Variants in CCDC171 observed in about 807,000 individuals in gnomAD.
The protein encoded by CCDC171 is coiled-coil domain-containing protein 171.
A neutral mutation model predicts 168.2 loss-of-function variants in CCDC171; 177 were observed. The observed-to-expected ratio is 1.05, with a 90% CI of 0.93 to 1.19. The LOEUF (loss-of-function observed/expected upper bound fraction) is 1.19. Ranked by LOEUF, CCDC171 falls within the 50% of genes most tolerant of loss-of-function variation. The pLI, the probability that CCDC171 is intolerant of heterozygous loss-of-function variation, is 0.00. For missense variants in CCDC171, 1,991 were observed against 1,539.0 expected (o/e 1.29, Z -4.91); for synonymous variants, 687 against 540.8 (o/e 1.27, Z -3.75).
downstream of CCDC171, among the ~76,000 whole-genome samples, chr9:16,066,124 T>C (rs1365504502): frequency 3.3e-5 from 5 of 152,156 alleles, no homozygotes; most frequent in African/African-American, 1.2e-4. Context: ...CAGGCTACTT[T>C]CTACTTCCTT....
chr9:15,930,396 C>G (rs1826369339), intron 25 of CCDC171, among the ~76,000 whole-genome samples: 1 of 151,086 alleles, frequency 6.6e-6, no homozygotes, highest in Non-Finnish European at 1.5e-5. Flanking sequence ...CTTCTCACTA[C>G]TTTTCCTAAA....
chr9:15,916,296 C>T (rs994747255), intron 24 of CCDC171, among the ~76,000 whole-genome samples: 1 of 151,754 alleles, frequency 6.6e-6, no homozygotes, highest in African/African-American at 2.4e-5. Flanking sequence ...TGTATTAATA[C>T]TCATTTAATT....
rs1366205021 is a variant in CCDC171, at chr9:15,632,266, A to G, written c.822+8853A>G. On this transcript the variant is annotated intron_variant, in intron 7 of 25. Transcript: ENST00000380701. ...GCAGACAACATGATTGTATATCTAGAAAACCCCATCGTCTCAGCCCAAAAT... is the reference window on the plus strand; with the variant it reads ...GCAGACAACATGATTGTATATCTAGGAAACCCCATCGTCTCAGCCCAAAAT... Among the ~76,000 whole-genome samples the G allele has an allele frequency of 6.0e-5, 9 of 150,734 alleles. No individual in the cohort carries two copies. In the Admixed American group the frequency reaches 6.0e-4, roughly 10 times the overall value.
chr9:15,634,215 A>C (rs2046009057), intron 7 of CCDC171, among the ~76,000 whole-genome samples: 1 of 152,134 alleles, frequency 6.6e-6, no homozygotes, highest in African/African-American at 2.4e-5. Flanking sequence ...ACACAAAAAA[A>C]AGAAAAATAA....
At chr9:15,815,085 G>A (rs574503152) in intron 21 of CCDC171, among the ~76,000 whole-genome samples, 1 of 152,288 alleles carries the variant, frequency 6.6e-6, no homozygotes, top group South Asian at 2.1e-4. Context: ...GTTCTTTTGT[G>A]TAACCTTGAT....
intron 18 of CCDC171, among the ~76,000 whole-genome samples, chr9:15,757,649 G>A (rs770521771): frequency 2.6e-5 from 4 of 152,190 alleles, no homozygotes. Context: ...TCCAGGTCAC[G>A]TCAGAGGTCT....
the CCDC171 span, among the ~76,000 whole-genome samples, chr9:16,088,097 C>T: frequency 6.6e-6 from 1 of 152,166 alleles, no homozygotes; most frequent in African/African-American, 2.4e-5. Flanking sequence ...TAATCCATAA[C>T]ATAAACAGAC....
At chr9:15,985,601 A>G (rs1264230497) in intron 3 of CCDC171, among the ~76,000 whole-genome samples, 2 of 152,236 alleles carry the variant, frequency 1.3e-5, no homozygotes, top group Admixed American at 6.5e-5. Flanking sequence ...TTAGGCAGCA[A>G]TGGAATGGCA....
intron 7 of CCDC171, among the ~76,000 whole-genome samples, chr9:15,634,809 C>T (rs2046072857): frequency 6.6e-6 from 1 of 152,126 alleles, no homozygotes; most frequent in African/African-American, 2.4e-5. Flanking sequence ...TTCCTATTCC[C>T]CTTTCCTCTC....
At position 15,772,158 on chromosome 9, in the gene CCDC171, A is replaced by C. The variant is rs530551917; in HGVS notation, c.2672-5442A>C. Among the ~76,000 whole-genome samples the C allele has an allele frequency of 7.0e-4, 106 of 152,214 alleles. No homozygotes were observed. In the Middle Eastern group the frequency reaches 0.014, roughly 20 times the overall value. ...CTGCACCAGTATTTTTAAATTCTGT[A>C]ATCCATCTTTTCCCTGATTAAGATA... On this transcript the variant is annotated intron_variant, in intron 18 of 25. Coordinates refer to ENST00000380701, the MANE Select transcript of CCDC171 (RefSeq NM_173550.4).
rs1036348741 is a variant in CCDC171, at chr9:15,801,168, T to C, written c.3267+16474T>C. The stretch of plus-strand genomic sequence containing the variant: ...ATGAAGAATGTTATTGGTATTTTTA[T>C]AGGGATTGCATTGAATTTGTAGATT... On this transcript the variant is annotated intron_variant, in intron 21 of 25. Coordinates refer to ENST00000380701, the MANE Select transcript of CCDC171 (RefSeq NM_173550.4). 2.0e-5 allele frequency among the ~76,000 whole-genome samples: 3 copies of C among 152,186 alleles called. No individual in the cohort carries two copies. In the East Asian group the frequency reaches 5.8e-4, roughly 29 times the overall value.
At chr9:15,981,284 A>AAAGG (rs147119601) in intron 3 of CCDC171, among the ~76,000 whole-genome samples, 11,560 of 152,106 alleles carry the variant, frequency 0.076, 1,432 homozygotes, top group African/African-American at 0.26. Flanking sequence ...CTTTATATGC[A>AAAGG]AAGAGAGAAA....
chr9:16,013,738 A>C (rs1203407979), intron 3 of CCDC171, among the ~76,000 whole-genome samples: 1 of 152,262 alleles, frequency 6.6e-6, no homozygotes, highest in Non-Finnish European at 1.5e-5. Flanking sequence ...TTAATTTCCC[A>C]GTGCATATAA....
intron 9 of CCDC171, among the ~76,000 whole-genome samples, chr9:15,674,964 A>G (rs530456697): frequency 1.3e-5 from 2 of 152,178 alleles, no homozygotes; most frequent in African/African-American, 2.4e-5. Flanking sequence ...GTGGGGTTTT[A>G]AAGTCTCCCA....
chr9:15,719,375 G>T (rs908265393), intron 11 of CCDC171, among the ~76,000 whole-genome samples: 3 of 118,860 alleles, frequency 2.5e-5, no homozygotes, highest in African/African-American at 9.6e-5. Flanking sequence ...AGAGTTATTG[G>T]CCTTCAAGGC....
chr9:15,692,684 T>C (rs1035103006), intron 10 of CCDC171, among the ~76,000 whole-genome samples: 1 of 151,326 alleles, frequency 6.6e-6, no homozygotes, highest in Non-Finnish European at 1.5e-5. Flanking sequence ...CCCGCCACCA[T>C]GCCCAGCTAA....
upstream of CCDC171, among the ~76,000 whole-genome samples, chr9:16,040,011 G>T (rs1434549773): frequency 1.3e-5 from 2 of 152,168 alleles, no homozygotes; most frequent in Non-Finnish European, 2.9e-5. Context: ...AGGGACACTG[G>T]AACCTTTCAG....
intron 25 of CCDC171, among the ~76,000 whole-genome samples, chr9:15,970,395 GTT>G (rs766959724): frequency 1.4e-4 from 20 of 144,102 alleles, no homozygotes; most frequent in African/African-American, 4.8e-4. Flanking sequence ...CTACTAAAAA[GTT>G]TTTTTTTTTT....
chr9:15,864,175 G>C (rs1308681070), intron 23 of CCDC171, among the ~76,000 whole-genome samples: 1 of 151,956 alleles, frequency 6.6e-6, no homozygotes, highest in Non-Finnish European at 1.5e-5. Context: ...TTATTTGCTA[G>C]TTTTATGGAA....
Sources: gnomAD v4.1 joint callset for allele counts (sites outside exome capture counted in the v4.1 genomes callset) on GRCh38, gnomAD v4.1.1 for gene constraint, MANE v1.5 for transcripts, NCBI Gene and HGNC (gene_info 2026-07-23, HGNC 2026-07-21) for gene names.